ATP6V0A2: variants seen among roughly 807,000 people sequenced by gnomAD.
The protein encoded by ATP6V0A2 is ATPase H+ transporting V0 subunit a2.
ATP6V0A2 carries 58 observed loss-of-function variants against 104.4 expected under a neutral mutation model. That is an observed-to-expected ratio of 0.56 (90% CI 0.45 to 0.69). The LOEUF (loss-of-function observed/expected upper bound fraction) is 0.69. Among genes scored for constraint, ATP6V0A2 ranks in the 30% least tolerant of loss-of-function variants. ATP6V0A2 has a pLI of 0.00. For synonymous variants in ATP6V0A2, 376 were observed against 397.9 expected, an observed-to-expected ratio of 0.95 and a Z score of 0.65; for missense variants, 938 against 1,062.9, an observed-to-expected ratio of 0.88 and a Z score of 1.63.
At position 123,742,765 on chromosome 12, in the gene ATP6V0A2, G is replaced by A. The variant is rs191036604; in HGVS notation, c.1039-1020G>A. 5.8e-3 allele frequency among the ~76,000 whole-genome samples: 878 copies of A among 150,778 alleles called. 4 individuals carry two copies. The highest frequency in any genetic ancestry group is 0.01 in the Non-Finnish European group (681 of 67,602). ...GCACGAGAATCGCTTGAACCTGGAA[G>A]GCAGAGGTTGCAGTGAGCCGAGATC... On this transcript the variant is annotated intron_variant, in intron 9 of 19. Coordinates refer to ENST00000330342, the MANE Select transcript of ATP6V0A2 (RefSeq NM_012463.4).
chr12:123,756,715 T>G, intron 18 of ATP6V0A2, 100 bp from the exon 19 acceptor site: 1 of 1,255,828 alleles, frequency 8.0e-7, no homozygotes, highest in Non-Finnish European at 1.1e-6. Context: ...TATGGGATAA[T>G]AGTTCAGGGC....
In ATP6V0A2 at chr12:123,726,172, C is replaced by T. The variant is rs780160756; in HGVS notation, c.433-25C>T. 5 of 1,536,802 alleles carry T rather than the reference C, an allele frequency of 3.3e-6. No homozygotes were observed. In the South Asian group the frequency reaches 5.6e-5, roughly 17 times the overall value. The stretch of plus-strand genomic sequence containing the variant: ...AAAGTGTCACTTTTAATGAGACACA[C>T]TTGGTTTCATATGTTTATTTCTAGT... On this transcript the variant is annotated intron_variant, in intron 4 of 19. Transcript: ENST00000330342.
chr12:123,729,854 G>C (rs1240126013), intron 6 of ATP6V0A2, among the ~76,000 whole-genome samples: 1 of 151,946 alleles, frequency 6.6e-6, no homozygotes, highest in Non-Finnish European at 1.5e-5. Flanking sequence ...TCACCCTGTC[G>C]CCCAGGCTGG....
At chr12:123,738,829 G>A (rs1181034741) in intron 9 of ATP6V0A2, 1 of 152,104 alleles carries the variant, frequency 6.6e-6, no homozygotes, top group African/African-American at 2.4e-5. Flanking sequence ...GAGTTTTTTG[G>A]TTATGTAACC....
intron 18 of ATP6V0A2, among the ~76,000 whole-genome samples, chr12:123,755,417 T>G (rs1429693358): frequency 6.6e-6 from 1 of 151,776 alleles, no homozygotes; most frequent in African/African-American, 2.4e-5. Flanking sequence ...GCGCCTGTAG[T>G]CCCAGCTACT....
At chr12:123,749,993 T>C (rs1343040363) in intron 15 of ATP6V0A2, 1 of 152,258 alleles carries the variant, frequency 6.6e-6, no homozygotes, top group African/African-American at 2.4e-5. Flanking sequence ...TTTTGAACTT[T>C]TTGTTTCTGT....
intron 15 of ATP6V0A2, among the ~76,000 whole-genome samples, chr12:123,749,523 G>A (rs1210810164): frequency 6.6e-6 from 1 of 152,212 alleles, no homozygotes; most frequent in African/African-American, 2.4e-5. Context: ...TTGAGCAGAT[G>A]ACTAACTTCT....
At chr12:123,734,453 G>A (rs10773029) in intron 7 of ATP6V0A2, among the ~76,000 whole-genome samples, 67,730 of 151,952 alleles carry the variant, frequency 0.45, 18,623 homozygotes, top group East Asian at 0.84. Context: ...TCCCTGTGTC[G>A]CTGTCTCACT....
At chr12:123,729,615 T>C (rs1349116096) in intron 6 of ATP6V0A2, among the ~76,000 whole-genome samples, 1 of 152,134 alleles carries the variant, frequency 6.6e-6, no homozygotes, top group Non-Finnish European at 1.5e-5. Context: ...TTTTTTAAAC[T>C]TCAAAGTAAA....
At chr12:123,725,570 G>C (rs551459161) in intron 4 of ATP6V0A2, among the ~76,000 whole-genome samples, 1 of 152,230 alleles carries the variant, frequency 6.6e-6, no homozygotes, top group South Asian at 2.1e-4. Flanking sequence ...TTGAGCCCAG[G>C]AGTTCAAGAC....
intron 15 of ATP6V0A2, chr12:123,750,862 A>C: frequency 2.0e-6 from 1 of 505,364 alleles, no homozygotes; most frequent in African/African-American, 1.9e-5. Context: ...GAATTTTTGT[A>C]AAGTTTCCTT....
chr12:123,726,152 G>A (rs1172376806), intron 4 of ATP6V0A2, 45 bp from the exon 5 acceptor site: 2 of 1,429,762 alleles, frequency 1.4e-6, no homozygotes, highest in South Asian at 1.1e-5. Context: ...GAAATAAAGT[G>A]TCACTTTTAA....
chr12:123,735,474 A>G (rs1338291148), intron 7 of ATP6V0A2, 57 bp from the exon 8 acceptor site: 6 of 1,501,906 alleles, frequency 4.0e-6, no homozygotes, highest in South Asian at 3.4e-5. Context: ...GGGGAGGTGA[A>G]CGTGTTTAGT....
At chr12:123,747,577 T>C (rs762686061) in intron 13 of ATP6V0A2, 30 bp from the exon 14 acceptor site, 2 of 1,428,864 alleles carry the variant, frequency 1.4e-6, no homozygotes, top group Non-Finnish European at 2.0e-6. Context: ...AGTTAAAGAT[T>C]CTGTTTTGTC....
intron 18 of ATP6V0A2, among the ~76,000 whole-genome samples, chr12:123,755,867 G>A (rs1348609916): frequency 2.0e-5 from 3 of 151,984 alleles, no homozygotes; most frequent in South Asian, 4.1e-4. Context: ...CGGATCATGA[G>A]GTCAGGAGAT....
intron 13 of ATP6V0A2, among the ~76,000 whole-genome samples, chr12:123,746,188 T>C (rs1956660028): frequency 6.6e-6 from 1 of 151,896 alleles, no homozygotes; most frequent in African/African-American, 2.4e-5. Context: ...AAAGTTTGAG[T>C]GAGTTTTTTT....
In ATP6V0A2 at chr12:123,748,791, T is replaced by A; in HGVS notation, c.1935+6T>A. The A allele has an allele frequency of 6.2e-7, 1 of 1,610,322 alleles. No individual in the cohort carries two copies. Among genetic ancestry groups the A allele is most frequent in the Non-Finnish European group, 8.5e-7 (1 of 1,176,700 alleles). ...GTGGCCTTTACACAGGGCAGGTGAG[T>A]CATCTTCCCACCCTCATGAACTTAA... On this transcript the variant is annotated splice_donor_region_variant and intron_variant, in intron 15 of 19. Transcript: ENST00000330342.
Position 123,722,449 on chromosome 12 carries a change from G to T in ATP6V0A2, c.294+1G>T, listed in dbSNP as rs80356751. ...CCTGAAACAGGTTCTAGAAATGCAG[G>T]TAACTTGCTTCTGACGAAGCTGGTT... On this transcript the variant is annotated splice_donor_variant, in intron 3 of 19. Coordinates refer to ENST00000330342, the MANE Select transcript of ATP6V0A2 (RefSeq NM_012463.4). LOFTEE classifies it high-confidence loss of function. 6 of 1,596,084 alleles carry T rather than the reference G, an allele frequency of 3.8e-6. No homozygotes were observed. In the Admixed American group the frequency reaches 8.3e-5, roughly 22 times the overall value.
In ATP6V0A2 at chr12:123,743,915, G is replaced by C; in HGVS notation, c.1169G>C (p.Ser390Thr). 6.2e-7 allele frequency: 1 copy of C among 1,614,210 alleles called. No individual in the cohort carries two copies. Among genetic ancestry groups the C allele is most frequent in the Non-Finnish European group, 8.5e-7 (1 of 1,180,030 alleles). Residue 390 changes from serine to threonine, a missense_variant, in exon 10 of 20, where the codon AGC becomes ACC. Physicochemically the swap from Ser to Thr is moderately conservative, Grantham distance 58 (BLOSUM62 1). Transcript: ENST00000330342. ...QNIVDAYGVG[S>T]YREVNPALFT... Reference sequence around the variant, plus strand: ...ATCGTGGATGCTTATGGAGTCGGAAGCTACAGAGAAGTCAATCCAGGTTGG... The same window carrying C: ...ATCGTGGATGCTTATGGAGTCGGAACCTACAGAGAAGTCAATCCAGGTTGG...
Sources: allele counts gnomAD v4.1 joint callset (sites outside exome capture counted in the v4.1 genomes callset), GRCh38; gene constraint gnomAD v4.1.1; transcripts MANE v1.5; gene names NCBI Gene and HGNC (gene_info 2026-07-23, HGNC 2026-07-21).